PABPC4L: variants seen among roughly 807,000 people sequenced by gnomAD.
PABPC4L encodes polyadenylate-binding protein 4-like.
For synonymous variants in PABPC4L, 169 were observed against 164.1 expected, an observed-to-expected ratio of 1.03 and a Z score of -0.23; for missense variants, 452 against 451.4, an observed-to-expected ratio of 1.00 and a Z score of -0.01.
At chr4:134,009,599 A>G in the PABPC4L span, among the ~76,000 whole-genome samples, 7 of 152,134 alleles carry the variant, frequency 4.6e-5, no homozygotes, top group Admixed American at 2.6e-4. Context: ...AGAAGGAAAC[A>G]CTGCTAGGTT....
At chr4:134,072,414 A>G in the PABPC4L span, among the ~76,000 whole-genome samples, 4 of 152,192 alleles carry the variant, frequency 2.6e-5, no homozygotes, top group African/African-American at 9.6e-5. Flanking sequence ...ACACCATTTT[A>G]TAAGTTCCTT....
the PABPC4L span, among the ~76,000 whole-genome samples, chr4:134,056,827 A>C: frequency 6.6e-6 from 1 of 152,096 alleles, no homozygotes; most frequent in Non-Finnish European, 1.5e-5. Flanking sequence ...CATCATTTAT[A>C]ATAAGGACAG....
the PABPC4L span, among the ~76,000 whole-genome samples, chr4:133,964,894 C>T: frequency 6.6e-6 from 1 of 152,116 alleles, no homozygotes; most frequent in African/African-American, 2.4e-5. Context: ...AGCCTCCCCT[C>T]TGAGAACTGG....
chr4:134,173,176 A>G, the PABPC4L span, among the ~76,000 whole-genome samples: 12 of 150,878 alleles, frequency 8.0e-5, no homozygotes, highest in Admixed American at 2.0e-4. Context: ...AAAAAAAAAA[A>G]AAAAGAAACT....
chr4:134,097,374 T>A, the PABPC4L span, among the ~76,000 whole-genome samples: 2 of 152,056 alleles, frequency 1.3e-5, no homozygotes, highest in South Asian at 4.1e-4. Flanking sequence ...AGCTGCTATG[T>A]CTTTGAAATA....
At chr4:134,075,455 CTG>C in the PABPC4L span, among the ~76,000 whole-genome samples, 1 of 152,112 alleles carries the variant, frequency 6.6e-6, no homozygotes, top group Non-Finnish European at 1.5e-5. Context: ...GAAGCTTCAA[CTG>C]GAGTGATATC....
chr4:134,078,216 T>C, the PABPC4L span, among the ~76,000 whole-genome samples: 2 of 152,204 alleles, frequency 1.3e-5, no homozygotes, highest in African/African-American at 2.4e-5. Flanking sequence ...AGTTCACCCA[T>C]GTTCATGCAT....
At chr4:133,963,580 C>T in the PABPC4L span, among the ~76,000 whole-genome samples, 3 of 151,932 alleles carry the variant, frequency 2.0e-5, no homozygotes, top group African/African-American at 7.3e-5. Flanking sequence ...CAAGATAGAC[C>T]TTATGATAGG....
chr4:133,973,057 T>C, the PABPC4L span, among the ~76,000 whole-genome samples: 12 of 152,142 alleles, frequency 7.9e-5, no homozygotes, highest in Non-Finnish European at 1.3e-4. Flanking sequence ...AGATAGAATA[T>C]AATTTCCCTA....
the PABPC4L span, among the ~76,000 whole-genome samples, chr4:134,140,854 GA>G: frequency 6.6e-6 from 1 of 151,550 alleles, no homozygotes; most frequent in African/African-American, 2.4e-5. Flanking sequence ...TTGATTGTTG[GA>G]AATAAAATAA....
chr4:134,084,246 G>A, the PABPC4L span, among the ~76,000 whole-genome samples: 3 of 151,844 alleles, frequency 2.0e-5, no homozygotes, highest in Non-Finnish European at 4.4e-5. Flanking sequence ...GAGGTCTCCC[G>A]ATGTTTCCCA....
the PABPC4L span, among the ~76,000 whole-genome samples, chr4:134,079,994 A>AT: frequency 2.0e-5 from 3 of 151,868 alleles, no homozygotes; most frequent in Non-Finnish European, 2.9e-5. Flanking sequence ...TTTTATTTCT[A>AT]TTTTTTTATT....
chr4:134,023,765 G>T, the PABPC4L span, among the ~76,000 whole-genome samples: 1 of 151,938 alleles, frequency 6.6e-6, no homozygotes, highest in East Asian at 1.9e-4. Context: ...TCTTTACACT[G>T]AATAAAGAAT....
chr4:133,956,216 C>G, the PABPC4L span, among the ~76,000 whole-genome samples: 1 of 152,168 alleles, frequency 6.6e-6, no homozygotes, highest in Non-Finnish European at 1.5e-5. Flanking sequence ...TTTTTGGAAT[C>G]AAATTTTTAT....
At chr4:134,161,884 T>C in the PABPC4L span, among the ~76,000 whole-genome samples, 2 of 152,068 alleles carry the variant, frequency 1.3e-5, no homozygotes, top group African/African-American at 2.4e-5. Flanking sequence ...TGTACAAATA[T>C]ATAAATAGAG....
the PABPC4L span, among the ~76,000 whole-genome samples, chr4:134,070,458 G>T: frequency 6.6e-6 from 1 of 152,100 alleles, no homozygotes; most frequent in South Asian, 2.1e-4. Flanking sequence ...TCAGATTAAG[G>T]CAGTTGTGGT....
In PABPC4L at chr4:134,196,850, A is replaced by G. The variant is rs1729675101; in HGVS notation, c.*3057T>C. ...TTACAGCAAATGCTGGAAATAAGCA[A>G]TTTCTACTAAGAAGGCAGATTATTG... On this transcript the variant is annotated 3_prime_UTR_variant, in exon 2 of 2. Transcript: ENST00000421491. 2.0e-5 allele frequency: 3 copies of G among 151,400 alleles called. No homozygotes were observed. In the South Asian group the frequency reaches 6.2e-4, roughly 31 times the overall value. The allele number at this position is 151,400 out of a possible 1,614,324, so 9.4% of individuals were successfully genotyped here.
chr4:133,970,830 G>A, the PABPC4L span, among the ~76,000 whole-genome samples: 3 of 152,158 alleles, frequency 2.0e-5, no homozygotes, highest in East Asian at 5.8e-4. Flanking sequence ...ATGCAGTAAA[G>A]AGACTGCCAT....
chr4:133,974,666 C>T, the PABPC4L span, among the ~76,000 whole-genome samples: 1 of 151,992 alleles, frequency 6.6e-6, no homozygotes, highest in Non-Finnish European at 1.5e-5. Flanking sequence ...AATTCTTCAT[C>T]TGAACAACAA....
Sources: gnomAD v4.1 joint callset for allele counts (sites outside exome capture counted in the v4.1 genomes callset) on GRCh38, gnomAD v4.1.1 for gene constraint, MANE v1.5 for transcripts, NCBI Gene and HGNC (gene_info 2026-07-23, HGNC 2026-07-21) for gene names.